MED15: variants seen among roughly 807,000 people sequenced by gnomAD.
The protein encoded by MED15 is mediator of RNA polymerase II transcription subunit 15.
MED15 carries 41 observed loss-of-function variants against 118.7 expected under a neutral mutation model. That is an observed-to-expected ratio of 0.35 (90% CI 0.27 to 0.45). The LOEUF is 0.45. MED15 is among the 20% of genes least tolerant of loss of function. The pLI is 1.00. For missense variants in MED15, 740 were observed against 1,025.5 expected, an observed-to-expected ratio of 0.72 and a Z score of 3.80; for synonymous variants, 436 against 413.9, an observed-to-expected ratio of 1.05 and a Z score of -0.65.
rs891752172 is a variant in MED15, at chr22:20,516,940, T to C, written c.68+9194T>C. 2.6e-5 allele frequency among the ~76,000 whole-genome samples: 4 copies of C among 152,278 alleles called. No homozygotes were observed. The East Asian group carries it at 5.8e-4, about 22-fold the overall frequency. On this transcript the variant is annotated intron_variant, in intron 1 of 17. Coordinates refer to ENST00000263205, the MANE Select transcript of MED15 (RefSeq NM_001003891.3). ...TACTTGACCTCCACACAATTATTAT[T>C]ACTATTTTTTGAGAAAGGGTCTTGT...
chr22:20,584,733 G>A, intron 14 of MED15, 122 bp from the exon 15 acceptor site: 1 of 1,228,200 alleles, frequency 8.1e-7, no homozygotes, highest in Non-Finnish European at 1.1e-6. Flanking sequence ...GCACAAGGGT[G>A]GAGGCTGTGA....
Position 20,523,358 on chromosome 22 carries a change from TA to T in MED15, c.69-13750del, listed in dbSNP as rs111802725. ...ATAAGCATTTGACTTCCTTTTTTTT[TA>T]AAAAAAAAGTTCATTATGGACTTTT... On this transcript the variant is annotated intron_variant, in intron 1 of 17. Coordinates refer to ENST00000263205, the MANE Select transcript of MED15 (RefSeq NM_001003891.3). Among the ~76,000 whole-genome samples the T allele has an allele frequency of 9.8e-3, 1,475 of 150,810 alleles. 38 individuals are homozygous for T. Among genetic ancestry groups the T allele is most frequent in the African/African-American group, 0.033 (1,363 of 41,028 alleles).
rs2057025260 is a variant in MED15 at position 20,582,716 on chromosome 22, C to A, written c.1378C>A (p.Gln460Lys). Reference protein sequence around the residue: ...PPPQPSPQPGQPSSQPNSNVS... With the variant: ...PPPQPSPQPGKPSSQPNSNVS... ...CCCCCAGCCGTCCCCGCAGCCCGGCCAGCCCAGCTCACAGCCCAACTCCAA... is the reference window on the plus strand; with the variant it reads ...CCCCCAGCCGTCCCCGCAGCCCGGCAAGCCCAGCTCACAGCCCAACTCCAA... The change falls in exon 10 of 18, where the codon CAG becomes AAG. Residue 460 changes from glutamine to lysine, a missense_variant. Gln to Lys is a moderately conservative substitution (Grantham distance 53). This residue lies in a region of MED15 where 384 missense variants were observed against 506.3 expected (regional missense o/e 0.76). Coordinates refer to ENST00000263205, the MANE Select transcript of MED15 (RefSeq NM_001003891.3). 2 of 1,595,092 alleles carry A rather than the reference C, an allele frequency of 1.3e-6. No individual in the cohort carries two copies. The highest frequency in any genetic ancestry group is 1.7e-6 in the Non-Finnish European group (2 of 1,177,034).
chr22:20,586,416 G>C, intron 17 of MED15, 152 bp from the exon 18 acceptor site: 1 of 1,129,662 alleles, frequency 8.9e-7, no homozygotes, highest in Non-Finnish European at 1.3e-6. Flanking sequence ...GCTCTGGGAG[G>C]AGAGCCCAAA....
intron 2 of MED15, among the ~76,000 whole-genome samples, chr22:20,543,111 TTGTGTGTGTGTGTGTGTGTG>T (rs61279859): frequency 0.58 from 81,956 of 141,146 alleles, 23,875 homozygotes; most frequent in Admixed American, 0.69. Flanking sequence ...TCTCTCTTCT[TTGTGTGTGTGTGTGTGTGTG>T]TGTGTGTGTG....
intron 5 of MED15, 115 bp downstream of exon 5, chr22:20,555,263 G>T (rs567841900): frequency 1.8e-5 from 21 of 1,138,448 alleles, no homozygotes; most frequent in Admixed American, 1.4e-4. Flanking sequence ...AATCGCTCTG[G>T]TTTTTTTGTT....
chr22:20,551,299 G>A, intron 2 of MED15, 137 bp from the exon 3 acceptor site: 1 of 825,746 alleles, frequency 1.2e-6, no homozygotes, highest in Non-Finnish European at 2.2e-6. Context: ...GATTCCAGAG[G>A]AGGCCGAGCA....
intron 8 of MED15, chr22:20,574,896 T>C: frequency 3.1e-6 from 2 of 644,292 alleles, no homozygotes; most frequent in Non-Finnish European, 5.4e-6. Context: ...AGCAGCATTC[T>C]TGGCAAATCT....
At chr22:20,511,872 A>C (rs970106550) in intron 1 of MED15, among the ~76,000 whole-genome samples, 1 of 152,006 alleles carries the variant, frequency 6.6e-6, no homozygotes, top group African/African-American at 2.4e-5. Flanking sequence ...CATTAGAATA[A>C]AACTCCAGAT....
At chr22:20,551,352 C>CA (rs1483692255) in intron 2 of MED15, 84 bp from the exon 3 acceptor site, 2 of 1,278,894 alleles carry the variant, frequency 1.6e-6, no homozygotes, top group African/African-American at 2.9e-5. Context: ...AGCTCGGTGC[C>CA]AGCAGGCGAG....
intron 2 of MED15, among the ~76,000 whole-genome samples, chr22:20,541,008 C>T (rs1207673214): frequency 6.6e-6 from 1 of 152,118 alleles, no homozygotes; most frequent in African/African-American, 2.4e-5. Context: ...GTGGGCAGAT[C>T]ACGAGGTCAG....
At chr22:20,543,375 C>T (rs2055397258) in intron 2 of MED15, among the ~76,000 whole-genome samples, 1 of 150,358 alleles carries the variant, frequency 6.7e-6, no homozygotes. Context: ...CCACACCCAG[C>T]TAATTTTTGT....
At chr22:20,534,013 C>T (rs573049585) in intron 1 of MED15, among the ~76,000 whole-genome samples, 3 of 152,142 alleles carry the variant, frequency 2.0e-5, no homozygotes, top group Non-Finnish European at 4.4e-5. Context: ...CCAGTAGCAG[C>T]TCAAAAGGAC....
chr22:20,510,222 C>G (rs2054015666), intron 1 of MED15, among the ~76,000 whole-genome samples: 1 of 152,060 alleles, frequency 6.6e-6, no homozygotes, highest in Admixed American at 6.6e-5. Flanking sequence ...CCTATCTCTA[C>G]TAAAAATCCA....
At chr22:20,583,993 C>A in intron 13 of MED15, 1 of 298,092 alleles carries the variant, frequency 3.4e-6, no homozygotes, top group Non-Finnish European at 6.4e-6. Flanking sequence ...TTCTGCTTGT[C>A]TGGATAGAAT....
intron 1 of MED15, among the ~76,000 whole-genome samples, chr22:20,508,904 G>T (rs1482637469): frequency 6.6e-6 from 1 of 152,164 alleles, no homozygotes; most frequent in Non-Finnish European, 1.5e-5. Context: ...CCTTTCCTGA[G>T]GGATGGTAAA....
rs892742411 is a variant in MED15, at chr22:20,582,671, C to T, written c.1333C>T (p.Pro445Ser). 43 of 1,595,902 alleles carry T rather than the reference C, an allele frequency of 2.7e-5. No homozygotes were observed. The highest frequency in any genetic ancestry group is 2.7e-5 in the Non-Finnish European group (32 of 1,177,520). ...SPSPGQQVQTPQSMPPPPQPS... is the reference protein window; with the variant it reads ...SPSPGQQVQTSQSMPPPPQPS... ...GTCACCGGGCCAGCAGGTGCAGACC[C>T]CGCAGTCGATGCCCCCTCCCCCCCA... The change falls in exon 10 of 18, where the codon CCG becomes TCG. Residue 445 changes from proline to serine, a missense_variant. Around this residue, in one of 7 missense-constraint regions of MED15, gnomAD observed 384 missense variants for 506.3 expected, o/e 0.76. Coordinates refer to ENST00000263205, the MANE Select transcript of MED15 (RefSeq NM_001003891.3).
intron 9 of MED15, among the ~76,000 whole-genome samples, chr22:20,581,370 G>C (rs2056975993): frequency 6.6e-6 from 1 of 152,198 alleles, no homozygotes; most frequent in Non-Finnish European, 1.5e-5. Context: ...TTAGAAAGCA[G>C]CTGTCCTATC....
chr22:20,514,753 T>C (rs1489715974), intron 1 of MED15, among the ~76,000 whole-genome samples: 1 of 152,158 alleles, frequency 6.6e-6, no homozygotes, highest in African/African-American at 2.4e-5. Context: ...GGAGAGGTCT[T>C]CAGAAGGATA....
Sources: allele counts gnomAD v4.1 joint callset (sites outside exome capture counted in the v4.1 genomes callset), GRCh38; gene constraint gnomAD v4.1.1; regional missense constraint gnomAD v4.1.1; transcripts MANE v1.5; gene names NCBI Gene and HGNC (gene_info 2026-07-23, HGNC 2026-07-21).